The following ZSCAN4 variants were observed in gnomAD, a reference collection of about 807,000 sequenced individuals.
ZSCAN4 encodes the protein zinc finger and SCAN domain-containing protein 4.
ZSCAN4 carries 18 observed loss-of-function variants against 18.3 expected under a neutral mutation model. The ratio of observed to expected loss-of-function variants is 0.98; its 90% CI spans 0.68 to 1.46. The LOEUF is 1.46. Among genes scored for constraint, ZSCAN4 ranks in the 40% most tolerant of loss-of-function variants. ZSCAN4 has a pLI of 0.00. For missense variants in ZSCAN4, 498 were observed against 511.4 expected, an observed-to-expected ratio of 0.97 and a Z score of 0.25; for synonymous variants, 193 against 180.3, an observed-to-expected ratio of 1.07 and a Z score of -0.57.
chr19:57,654,266 G>C, the ZSCAN4 span, among the ~76,000 whole-genome samples: 1 of 152,004 alleles, frequency 6.6e-6, no homozygotes, highest in South Asian at 2.1e-4. Context: ...ATCAATTCCA[G>C]TTTTCCATAG....
the ZSCAN4 span, among the ~76,000 whole-genome samples, chr19:57,653,111 G>C: frequency 6.6e-6 from 1 of 152,156 alleles, no homozygotes; most frequent in Non-Finnish European, 1.5e-5. Flanking sequence ...CTCCTGGCAG[G>C]CATGAATAAA....
At chr19:57,664,060 G>A (rs1983787547), upstream of ZSCAN4, among the ~76,000 whole-genome samples, 1 of 152,192 alleles carries the variant, frequency 6.6e-6, no homozygotes, top group East Asian at 1.9e-4. Context: ...GAACCCGGGA[G>A]GCGGAGGTTG....
At chr19:57,665,322 T>G (rs1030405091), upstream of ZSCAN4, among the ~76,000 whole-genome samples, 4 of 152,188 alleles carry the variant, frequency 2.6e-5, no homozygotes, top group Admixed American at 2.0e-4. Flanking sequence ...TGTATCTACT[T>G]GGCTTCTGGC....
the ZSCAN4 span, among the ~76,000 whole-genome samples, chr19:57,658,913 T>C: frequency 6.6e-6 from 1 of 150,384 alleles, no homozygotes; most frequent in Non-Finnish European, 1.5e-5. Flanking sequence ...ATAAAGAACA[T>C]CTGCAAAATC....
intron 2 of ZSCAN4, among the ~76,000 whole-genome samples, chr19:57,675,475 C>T (rs1177012591): frequency 6.6e-6 from 1 of 151,900 alleles, no homozygotes; most frequent in Non-Finnish European, 1.5e-5. Flanking sequence ...AGAGATGGTG[C>T]CTCACCATGT....
At chr19:57,676,536 G>A in exon 3 of ZSCAN4, 3 of 1,611,990 alleles carry the variant, frequency 1.9e-6, no homozygotes, top group Non-Finnish European at 2.5e-6. Flanking sequence ...AAATCCACCT[G>A]CCTTAGTGAG....
chr19:57,675,953 T>C (rs971136851), intron 2 of ZSCAN4, 88 bp from the exon 3 acceptor site: 11 of 546,350 alleles, frequency 2.0e-5, no homozygotes, highest in South Asian at 2.7e-5. Context: ...AATTCATCCA[T>C]AGAGCCATGT....
In ZSCAN4 at chr19:57,675,986, T is replaced by C; in HGVS notation, c.-105-55T>C. ...TGTAGGCCTAACTTTTTGGTTGATT[T>C]GTCTTTAATTATGCCAGTGGTGCAA... On this transcript the variant is annotated intron_variant, in intron 2 of 4. Transcript: ENST00000318203. 2.0e-5 allele frequency: 14 copies of C among 707,266 alleles called. No individual in the cohort carries two copies. The South Asian group carries it at 3.0e-4, about 15-fold the overall frequency. 43.8% of individuals were successfully genotyped at this position (707,266 alleles called of 1,614,324 possible). A position where few individuals can be genotyped will look rare whatever the true frequency, so the allele number is the denominator to read the frequency against.
chr19:57,676,004 T>C, intron 2 of ZSCAN4, 37 bp from the exon 3 acceptor site: 1 of 794,570 alleles, frequency 1.3e-6, no homozygotes, highest in East Asian at 2.7e-5. Flanking sequence ...ATTATGCCAG[T>C]GGTGCAATTA....
chr19:57,658,654 C>T, the ZSCAN4 span, among the ~76,000 whole-genome samples: 1 of 151,614 alleles, frequency 6.6e-6, no homozygotes, highest in Non-Finnish European at 1.5e-5. Context: ...GCCAACATGG[C>T]GAAACCCCGT....
chr19:57,670,310 G>C (rs1427492364), exon 2 of ZSCAN4: 1 of 152,204 alleles, frequency 6.6e-6, no homozygotes, highest in African/African-American at 2.4e-5. Flanking sequence ...GATTCCATCA[G>C]TAATTCAATC....
upstream of ZSCAN4, among the ~76,000 whole-genome samples, chr19:57,665,690 C>A (rs1480842215): frequency 6.6e-6 from 1 of 151,986 alleles, no homozygotes; most frequent in Non-Finnish European, 1.5e-5. Flanking sequence ...GAGGCTGAGG[C>A]GGGTGGATCA....
At chr19:57,652,740 C>T in the ZSCAN4 span, among the ~76,000 whole-genome samples, 1 of 152,304 alleles carries the variant, frequency 6.6e-6, no homozygotes, top group Non-Finnish European at 1.5e-5. Context: ...TTGTGGGAGA[C>T]GGCAGGGGCT....
At chr19:57,663,520 TAAAAAAAAAAA>T in the ZSCAN4 span, among the ~76,000 whole-genome samples, 13 of 66,574 alleles carry the variant, frequency 2.0e-4, no homozygotes, top group Middle Eastern at 0.011. Flanking sequence ...ACCATGTCTC[TAAAAAAAAAAA>T]AAAAAAAAAA....
chr19:57,666,993 A>C (rs551181104), upstream of ZSCAN4, among the ~76,000 whole-genome samples: 1 of 152,070 alleles, frequency 6.6e-6, no homozygotes, highest in Non-Finnish European at 1.5e-5. Flanking sequence ...TATTTTCCTC[A>C]CTCACACTGG....
upstream of ZSCAN4, among the ~76,000 whole-genome samples, chr19:57,667,648 A>G (rs960954974): frequency 3.3e-5 from 5 of 152,170 alleles, no homozygotes; most frequent in Non-Finnish European, 7.3e-5. Context: ...AACTGCTCCC[A>G]GAGTTACACA....
chr19:57,676,226 A>G (rs1211004114), exon 3 of ZSCAN4: 1 of 1,614,068 alleles, frequency 6.2e-7, no homozygotes, highest in East Asian at 2.2e-5. Context: ...CGTTTCAACA[A>G]AGCCAAGGAC....
the ZSCAN4 span, among the ~76,000 whole-genome samples, chr19:57,663,545 A>AAAAAAAAAAAAAAAAAAAAAAAAAT: frequency 6.9e-6 from 1 of 145,334 alleles, no homozygotes; most frequent in African/African-American, 2.7e-5. Flanking sequence ...AAAAAAAAAA[A>AAAAAAAAAAAAAAAAAAAAAAAAAT]AATTAGCTGG....
chr19:57,664,808 T>C (rs1599998891), upstream of ZSCAN4: 1 of 200,180 alleles, frequency 5.0e-6, no homozygotes, highest in East Asian at 1.1e-4. Context: ...CAACACGCTA[T>C]GGCTGCTGCG....
Sources: gnomAD v4.1 joint callset for allele counts (sites outside exome capture counted in the v4.1 genomes callset) on GRCh38, gnomAD v4.1.1 for gene constraint, MANE v1.5 for transcripts, NCBI Gene and HGNC (gene_info 2026-07-23, HGNC 2026-07-21) for gene names.